The following TMED10 variants were observed in gnomAD, a reference collection of about 807,000 sequenced individuals.
The protein encoded by TMED10 is transmembrane p24 trafficking protein 10.
Under a neutral mutation model 23.1 loss-of-function variants are expected in TMED10, and 7 were observed. That is an observed-to-expected ratio of 0.30 (90% confidence interval 0.17 to 0.57). The LOEUF (loss-of-function observed/expected upper bound fraction) is 0.57, where lower values mean the gene tolerates loss of function less well. Ranked by LOEUF, TMED10 falls within the 20% of genes least tolerant of loss-of-function variation. The probability of loss-of-function intolerance (pLI) is 0.91; values close to 1 mark genes in which losing one functional copy is unlikely to be tolerated. For missense variants in TMED10, 162 were observed against 274.8 expected (o/e 0.59, Z 2.90); for synonymous variants, 113 against 106.9 (o/e 1.06, Z -0.35).
intron 1 of TMED10, among the ~76,000 whole-genome samples, chr14:75,173,124 G>A (rs1411347482): frequency 6.6e-6 from 1 of 152,222 alleles, no homozygotes; most frequent in East Asian, 1.9e-4. Context: ...AATGGCTCAT[G>A]CCTGTAATCC....
At chr14:75,136,159 A>G (rs1185316127) in intron 3 of TMED10, among the ~76,000 whole-genome samples, 4 of 151,998 alleles carry the variant, frequency 2.6e-5, no homozygotes, top group African/African-American at 9.7e-5. Flanking sequence ...TTGTCTCAAG[A>G]TTTTTTACTT....
At chr14:75,135,956 A>G (rs1355679741) in intron 3 of TMED10, 70 bp from the exon 4 acceptor site, 1 of 1,573,406 alleles carries the variant, frequency 6.4e-7, no homozygotes, top group Non-Finnish European at 8.6e-7. Context: ...AGAAGGCAAC[A>G]GAGAAGTCTT....
chr14:75,168,495 GA>G (rs528277725), intron 1 of TMED10, among the ~76,000 whole-genome samples: 1,944 of 152,268 alleles, frequency 0.013, 24 homozygotes, highest in South Asian at 0.028. Context: ...ACAGAGGAAA[GA>G]AAAGAGTACT....
At chr14:75,159,121 A>G (rs1896056608) in intron 1 of TMED10, among the ~76,000 whole-genome samples, 1 of 152,174 alleles carries the variant, frequency 6.6e-6, no homozygotes, top group Non-Finnish European at 1.5e-5. Context: ...ATAAAGACAA[A>G]ATTTAAGAGC....
At chr14:75,136,785 G>A (rs1335246114) in intron 3 of TMED10, 2 of 152,112 alleles carry the variant, frequency 1.3e-5, no homozygotes, top group East Asian at 3.8e-4. Context: ...GACACAGCCA[G>A]TTATCAAAAG....
intron 1 of TMED10, among the ~76,000 whole-genome samples, chr14:75,171,884 C>CA (rs1896238186): frequency 6.6e-6 from 1 of 151,994 alleles, no homozygotes; most frequent in African/African-American, 2.4e-5. Flanking sequence ...TGTGTTCCTG[C>CA]AGTGACACCC....
At chr14:75,171,280 A>C (rs1896229924) in intron 1 of TMED10, among the ~76,000 whole-genome samples, 1 of 150,786 alleles carries the variant, frequency 6.6e-6, no homozygotes, top group Non-Finnish European at 1.5e-5. Context: ...TACTGGCTTT[A>C]ATTTTTTTTT....
At chr14:75,138,652 A>G (rs1045000277) in intron 3 of TMED10, among the ~76,000 whole-genome samples, 3 of 152,214 alleles carry the variant, frequency 2.0e-5, no homozygotes, top group Non-Finnish European at 2.9e-5. Context: ...AGTATAAAGG[A>G]AATGGCATGA....
intron 3 of TMED10, among the ~76,000 whole-genome samples, chr14:75,147,338 C>T (rs1008749827): frequency 5.9e-5 from 9 of 151,954 alleles, no homozygotes; most frequent in Non-Finnish European, 8.8e-5. Flanking sequence ...GGATTACAGG[C>T]GCACGCCACC....
In TMED10 at chr14:75,138,836, T is replaced by C. The variant is rs55653279; in HGVS notation, c.412-2950A>G. On this transcript the variant is annotated intron_variant, in intron 3 of 4. Transcript: ENST00000303575. The stretch of plus-strand genomic sequence containing the variant: ...TCTTTTTTTTTTTTTTTTTTTTATT[T>C]TTGTTGTTGTTGTTGTTAAAGGACA... 8.9e-5 allele frequency among the ~76,000 whole-genome samples: 13 copies of C among 145,294 alleles called. No homozygotes were observed. The South Asian group carries it at 1.7e-3, about 19-fold the overall frequency.
chr14:75,167,511 A>G (rs1254772051), intron 1 of TMED10, among the ~76,000 whole-genome samples: 1 of 145,904 alleles, frequency 6.9e-6, no homozygotes, highest in Admixed American at 7.1e-5. Context: ...ATCTTCTCAT[A>G]CAGCTTTGGG....
chr14:75,153,078 C>T (rs921603516), intron 1 of TMED10, among the ~76,000 whole-genome samples: 1 of 152,018 alleles, frequency 6.6e-6, no homozygotes, highest in Non-Finnish European at 1.5e-5. Flanking sequence ...GCCAAGATTG[C>T]GCCACTGCAC....
chr14:75,151,911 G>T, intron 2 of TMED10, 121 bp downstream of exon 2: 1 of 849,304 alleles, frequency 1.2e-6, no homozygotes, highest in Non-Finnish European at 1.8e-6. Context: ...CAAGGTAACA[G>T]GTCTCCAAAT....
intron 3 of TMED10, among the ~76,000 whole-genome samples, chr14:75,138,158 A>AG (rs1895776316): frequency 6.6e-6 from 1 of 152,278 alleles, no homozygotes; most frequent in South Asian, 2.1e-4. Flanking sequence ...GATGAATAGG[A>AG]GGCATTTATT....
chr14:75,158,953 T>A (rs115071062), intron 1 of TMED10, among the ~76,000 whole-genome samples: 4,127 of 152,050 alleles, frequency 0.027, 217 homozygotes, highest in African/African-American at 0.095. Context: ...AATAAATACC[T>A]TAGAACCCTG....
chr14:75,168,306 G>A (rs958324797), intron 1 of TMED10, among the ~76,000 whole-genome samples: 5 of 152,006 alleles, frequency 3.3e-5, no homozygotes, highest in East Asian at 1.9e-4. Context: ...ACCTTGTCCC[G>A]TTTATCCCCA....
intron 1 of TMED10, among the ~76,000 whole-genome samples, chr14:75,164,550 TATATATATATATATATATATATATA>T (rs1201717702): frequency 0.45 from 9,205 of 20,398 alleles, 1,212 homozygotes; most frequent in Middle Eastern, 0.5. Flanking sequence ...TATATATATA[TATATATATATATATATATATATATA>T]TATTTTTTTT....
chr14:75,138,063 C>T (rs902563492), intron 3 of TMED10, among the ~76,000 whole-genome samples: 1 of 152,160 alleles, frequency 6.6e-6, no homozygotes, highest in Non-Finnish European at 1.5e-5. Context: ...TGTACATTCC[C>T]TATGGCCCAC....
chr14:75,159,859 A>G (rs1265510438), intron 1 of TMED10, among the ~76,000 whole-genome samples: 1 of 152,190 alleles, frequency 6.6e-6, no homozygotes, highest in Non-Finnish European at 1.5e-5. Flanking sequence ...TCTTCTCTCT[A>G]TGACATCCGA....
Sources: gnomAD v4.1 joint callset for allele counts (sites outside exome capture counted in the v4.1 genomes callset) on GRCh38, gnomAD v4.1.1 for gene constraint, MANE v1.5 for transcripts, NCBI Gene and HGNC (gene_info 2026-07-23, HGNC 2026-07-21) for gene names.